BMPR1B: variants seen among roughly 807,000 people sequenced by gnomAD.
BMPR1B encodes the protein bone morphogenetic protein receptor type-1B.
In BMPR1B, 12 loss-of-function variants were observed where a neutral mutation model predicts 59.1. The observed-to-expected ratio is 0.20, with a 90% CI of 0.13 to 0.33. The LOEUF (loss-of-function observed/expected upper bound fraction) is 0.33. Ranked by LOEUF, BMPR1B falls within the 10% of genes least tolerant of loss-of-function variation. The pLI is 1.00. For synonymous variants in BMPR1B, 237 were observed against 207.3 expected (o/e 1.14, Z -1.23); for missense variants, 550 against 610.9 (o/e 0.90, Z 1.05).
chr4:94,839,589 CTTTT>C (rs1381707098), intron 1 of BMPR1B, among the ~76,000 whole-genome samples: 1 of 149,080 alleles, frequency 6.7e-6, no homozygotes, highest in Non-Finnish European at 1.5e-5. Flanking sequence ...CAACCCCTGC[CTTTT>C]TTTGTTTTCT....
chr4:94,795,847 T>G (rs1365345663), intron 1 of BMPR1B, among the ~76,000 whole-genome samples: 1 of 152,192 alleles, frequency 6.6e-6, no homozygotes, highest in Non-Finnish European at 1.5e-5. Context: ...ACAAGCAGCC[T>G]CGGACTTTGC....
At chr4:94,957,521 T>C (rs1235476044) in intron 2 of BMPR1B, among the ~76,000 whole-genome samples, 1 of 152,006 alleles carries the variant, frequency 6.6e-6, no homozygotes, top group African/African-American at 2.4e-5. Flanking sequence ...TTTTCTTTTC[T>C]TTCTTTGTTT....
chr4:94,861,387 T>G (rs1725971391), intron 1 of BMPR1B, among the ~76,000 whole-genome samples: 1 of 152,222 alleles, frequency 6.6e-6, no homozygotes. Flanking sequence ...GAATTTGCTA[T>G]TACTGGTTTC....
intron 1 of BMPR1B, among the ~76,000 whole-genome samples, chr4:94,825,543 A>G (rs1328243922): frequency 3.3e-5 from 5 of 152,114 alleles, no homozygotes; most frequent in South Asian, 4.2e-4. Flanking sequence ...AAATAGTACC[A>G]TCTTTTTTTT....
chr4:94,760,430 T>TA (rs1721712836), intron 1 of BMPR1B, among the ~76,000 whole-genome samples: 1 of 152,270 alleles, frequency 6.6e-6, no homozygotes, highest in South Asian at 2.1e-4. Context: ...TTTATTACAG[T>TA]AAATGCTGAT....
intron 2 of BMPR1B, among the ~76,000 whole-genome samples, chr4:94,930,368 A>C (rs2149033236): frequency 6.6e-6 from 1 of 152,192 alleles, no homozygotes; most frequent in African/African-American, 2.4e-5. Flanking sequence ...ACTGTGGTTC[A>C]GATTGGCTGT....
intron 2 of BMPR1B, among the ~76,000 whole-genome samples, chr4:94,993,235 G>C (rs916478604): frequency 5.9e-5 from 9 of 152,176 alleles, no homozygotes; most frequent in African/African-American, 2.2e-4. Flanking sequence ...TCCCTTGGCA[G>C]TTGAATGGGT....
intron 1 of BMPR1B, among the ~76,000 whole-genome samples, chr4:94,864,106 T>G (rs1405086779): frequency 1.3e-5 from 2 of 152,296 alleles, no homozygotes; most frequent in Non-Finnish European, 2.9e-5. Context: ...AAAAGTGGTC[T>G]ATTAGGTTAT....
chr4:94,880,250 C>G (rs1318336922), intron 2 of BMPR1B, among the ~76,000 whole-genome samples: 2 of 152,092 alleles, frequency 1.3e-5, no homozygotes, highest in Non-Finnish European at 2.9e-5. Context: ...TCTAACTTGT[C>G]TCCATAAATT....
chr4:95,057,970 T>G (rs1000236804), intron 3 of BMPR1B, among the ~76,000 whole-genome samples: 1 of 152,316 alleles, frequency 6.6e-6, no homozygotes, highest in South Asian at 2.1e-4. Context: ...AAGGTAGATC[T>G]GACTATCTTT....
chr4:95,087,473 G>A lies in BMPR1B; in HGVS notation c.-17-16935G>A, dbSNP rs118040421. Among the ~76,000 whole-genome samples the A allele has an allele frequency of 1.4e-3, 217 of 152,140 alleles. 6 individuals are homozygous for A. In the East Asian group the frequency reaches 0.033, roughly 23 times the overall value. ...CAGCCAGGTGCAGTGGCTCACACCC[G>A]TAATCCCAGAACTTTGGGAGGCCAA... On this transcript the variant is annotated intron_variant, in intron 3 of 12. Coordinates refer to ENST00000515059, the MANE Select transcript of BMPR1B (RefSeq NM_001203.3).
intron 2 of BMPR1B, among the ~76,000 whole-genome samples, chr4:94,906,802 G>A (rs985798333): frequency 1.3e-5 from 2 of 151,992 alleles, no homozygotes; most frequent in African/African-American, 2.4e-5. Context: ...CTAACAGTTT[G>A]AAAACTATAG....
intron 3 of BMPR1B, among the ~76,000 whole-genome samples, chr4:95,038,857 T>G (rs1194392726): frequency 6.6e-6 from 1 of 152,180 alleles, no homozygotes; most frequent in Non-Finnish European, 1.5e-5. Flanking sequence ...ACATTGGTGG[T>G]CTTAATGGAT....
chr4:94,944,835 T>G (rs1427096037), intron 2 of BMPR1B, among the ~76,000 whole-genome samples: 1 of 152,222 alleles, frequency 6.6e-6, no homozygotes, highest in Non-Finnish European at 1.5e-5. Context: ...TTGAATGGCC[T>G]GACTGTATGG....
chr4:95,140,476 T>C (rs1242728534), intron 10 of BMPR1B, among the ~76,000 whole-genome samples: 1 of 152,148 alleles, frequency 6.6e-6, no homozygotes, highest in Non-Finnish European at 1.5e-5. Flanking sequence ...TGCCTTGCTT[T>C]TGATTGCACA....
At chr4:94,906,283 G>A (rs932374480) in intron 2 of BMPR1B, among the ~76,000 whole-genome samples, 4 of 151,954 alleles carry the variant, frequency 2.6e-5, no homozygotes, top group African/African-American at 7.2e-5. Flanking sequence ...AAATGCCCTT[G>A]GAGACCAAAT....
chr4:94,816,781 T>C (rs1215252871), intron 1 of BMPR1B, among the ~76,000 whole-genome samples: 4 of 152,172 alleles, frequency 2.6e-5, no homozygotes, highest in Non-Finnish European at 4.4e-5. Context: ...AATGAAATGG[T>C]CCAGGCTCAT....
chr4:94,938,753 G>T (rs1295498002), intron 2 of BMPR1B, among the ~76,000 whole-genome samples: 1 of 152,132 alleles, frequency 6.6e-6, no homozygotes, highest in African/African-American at 2.4e-5. Context: ...AACCCTATAT[G>T]GAAGAGAAAC....
intron 3 of BMPR1B, among the ~76,000 whole-genome samples, chr4:95,084,325 GTGTA>G (rs1729404976): frequency 6.6e-6 from 1 of 151,620 alleles, no homozygotes; most frequent in Non-Finnish European, 1.5e-5. Flanking sequence ...ATACGTGTGT[GTGTA>G]TGTATATGTA....
Sources: gnomAD v4.1 joint callset for allele counts (sites outside exome capture counted in the v4.1 genomes callset) on GRCh38, gnomAD v4.1.1 for gene constraint, MANE v1.5 for transcripts, NCBI Gene and HGNC (gene_info 2026-07-23, HGNC 2026-07-21) for gene names.